FGF14: variants seen among roughly 807,000 people sequenced by gnomAD.
FGF14 encodes fibroblast growth factor 14.
In FGF14, 5 loss-of-function variants were observed where a neutral mutation model predicts 25.5. That is an observed-to-expected ratio of 0.20 (90% CI 0.10 to 0.41). FGF14 has a LOEUF of 0.41. Ranked by LOEUF, FGF14 falls within the 10% of genes least tolerant of loss-of-function variation. The probability of loss-of-function intolerance (pLI) is 1.00; values close to 1 mark genes in which losing one functional copy is unlikely to be tolerated. For missense variants in FGF14, 222 were observed against 320.1 expected (o/e 0.69, Z 2.34); for synonymous variants, 138 against 118.3 (o/e 1.17, Z -1.08).
rs1448989568 is a variant in FGF14, at chr13:101,821,043, GA to G, written c.408+47681del. ...GCTCACTGCAGGCTCCGCCCCCCGGGATTCACGCCATTCTCCTGCCTCAGCC... is the reference window on the plus strand; with the variant it reads ...GCTCACTGCAGGCTCCGCCCCCCGGGTTCACGCCATTCTCCTGCCTCAGCC... On this transcript the variant is annotated intron_variant, in intron 3 of 4. Transcript: ENST00000376143. 6.4e-4 allele frequency among the ~76,000 whole-genome samples: 95 copies of G among 148,164 alleles called. 1 individual carries two copies. Among genetic ancestry groups the G allele is most frequent in the Middle Eastern group, 3.5e-3 (1 of 284 alleles).
intron 1 of FGF14, among the ~76,000 whole-genome samples, chr13:101,915,816 C>G (rs763636824): frequency 6.6e-6 from 1 of 152,240 alleles, no homozygotes; most frequent in Non-Finnish European, 1.5e-5. Context: ...ACTCCCTGAG[C>G]CTCTGTCCCC....
chr13:102,190,320 T>C lies in FGF14; in HGVS notation c.208+211151A>G, dbSNP rs537230910. 4.3e-4 allele frequency among the ~76,000 whole-genome samples: 66 copies of C among 152,306 alleles called. 1 individual carries two copies. In the South Asian group the frequency reaches 0.013, roughly 31 times the overall value. On this transcript the variant is annotated intron_variant, in intron 1 of 4. Transcript: ENST00000376131. ...TTTTGTGTTTATAATAATGAAACTA[T>C]ATTAATGTGGTTAGAACAGTGATTC...
At chr13:101,975,226 T>C (rs1288987358) in intron 1 of FGF14, among the ~76,000 whole-genome samples, 2 of 151,994 alleles carry the variant, frequency 1.3e-5, no homozygotes, top group African/African-American at 2.4e-5. Flanking sequence ...ATGGTACTCT[T>C]TTCACCTCCT....
chr13:101,910,689 G>T (rs563556123), intron 1 of FGF14, among the ~76,000 whole-genome samples: 11 of 152,114 alleles, frequency 7.2e-5, no homozygotes, highest in African/African-American at 9.7e-5. Flanking sequence ...AGCAAATGGT[G>T]ACATTTTCAT....
chr13:101,862,395 A>G (rs999438583), intron 3 of FGF14, among the ~76,000 whole-genome samples: 3 of 151,344 alleles, frequency 2.0e-5, no homozygotes, highest in Non-Finnish European at 4.4e-5. Context: ...CTTTTTCACT[A>G]TCCACTCCAA....
intron 1 of FGF14, among the ~76,000 whole-genome samples, chr13:102,118,279 T>C (rs948870678): frequency 8.6e-5 from 13 of 151,968 alleles, no homozygotes; most frequent in Non-Finnish European, 1.3e-4. Context: ...AAATATATTG[T>C]TATTAGGAAC....
intron 1 of FGF14, among the ~76,000 whole-genome samples, chr13:102,129,417 T>C (rs17588762): frequency 0.016 from 2,396 of 152,222 alleles, 120 homozygotes; most frequent in Admixed American, 0.09. Flanking sequence ...TTCCACAGAG[T>C]GGACGAGCGT....
At chr13:101,961,673 G>T (rs2139461502) in intron 1 of FGF14, among the ~76,000 whole-genome samples, 1 of 152,284 alleles carries the variant, frequency 6.6e-6, no homozygotes, top group South Asian at 2.1e-4. Flanking sequence ...CTGTTCTCAT[G>T]ATAGTGAATG....
chr13:102,230,804 G>GA (rs554880122), intron 1 of FGF14, among the ~76,000 whole-genome samples: 36 of 151,994 alleles, frequency 2.4e-4, no homozygotes, highest in African/African-American at 7.0e-4. Flanking sequence ...AAGAGCATTG[G>GA]AAAAAAATGC....
chr13:102,349,440 T>C (rs1465508435), intron 1 of FGF14, among the ~76,000 whole-genome samples: 1 of 152,230 alleles, frequency 6.6e-6, no homozygotes, highest in Non-Finnish European at 1.5e-5. Context: ...GAATATAATA[T>C]TCATTCTATT....
intron 1 of FGF14, among the ~76,000 whole-genome samples, chr13:102,071,777 T>A (rs2140153381): frequency 6.6e-6 from 1 of 152,336 alleles, no homozygotes; most frequent in South Asian, 2.1e-4. Context: ...CAGTTGTTTC[T>A]GTTTTTCATC....
In FGF14 at chr13:101,726,006, T is replaced by C. The variant is rs538425793; in HGVS notation, c.607+606A>G. ...GGATATACCCCTTCCTGCACACAAA[T>C]GAATGTGGATAAATTATTTTAGTAA... On this transcript the variant is annotated intron_variant, in intron 4 of 4. Transcript: ENST00000376143. Among the ~76,000 whole-genome samples the C allele has an allele frequency of 1.4e-4, 21 of 152,018 alleles. No homozygotes were observed. The South Asian group carries it at 4.1e-3, about 30-fold the overall frequency.
intron 3 of FGF14, among the ~76,000 whole-genome samples, chr13:101,823,039 C>A (rs1034699383): frequency 6.6e-6 from 1 of 152,176 alleles, no homozygotes; most frequent in Non-Finnish European, 1.5e-5. Context: ...GCCAAAATTT[C>A]ATTCCTTTTT....
chr13:101,725,161 A>G (rs2035326391), intron 4 of FGF14, among the ~76,000 whole-genome samples: 1 of 152,088 alleles, frequency 6.6e-6, no homozygotes, highest in South Asian at 2.1e-4. Context: ...CAAATAAACA[A>G]TGGTCTTATT....
intron 1 of FGF14, among the ~76,000 whole-genome samples, chr13:101,973,811 C>G (rs2037761088): frequency 6.6e-6 from 1 of 152,126 alleles, no homozygotes; most frequent in African/African-American, 2.4e-5. Context: ...CACAGACACA[C>G]CCAGGATCAA....
intron 1 of FGF14, among the ~76,000 whole-genome samples, chr13:102,083,381 G>A (rs890264884): frequency 5.3e-5 from 8 of 151,954 alleles, no homozygotes; most frequent in Admixed American, 5.2e-4. Context: ...AGAGGGCTGG[G>A]GAATTATGTC....
intron 1 of FGF14, among the ~76,000 whole-genome samples, chr13:101,906,579 T>C (rs895628522): frequency 6.6e-6 from 1 of 152,162 alleles, no homozygotes; most frequent in East Asian, 1.9e-4. Context: ...CCATCCATCA[T>C]TGAAGAGTTT....
intron 1 of FGF14, among the ~76,000 whole-genome samples, chr13:101,915,981 A>G (rs946464250): frequency 1.3e-5 from 2 of 152,186 alleles, no homozygotes; most frequent in Non-Finnish European, 2.9e-5. Flanking sequence ...ACATTTGTCC[A>G]AGGTCTGGGA....
intron 1 of FGF14, among the ~76,000 whole-genome samples, chr13:102,210,322 G>T (rs141553881): frequency 6.6e-6 from 1 of 152,134 alleles, no homozygotes; most frequent in Admixed American, 6.5e-5. Flanking sequence ...TTAAAGAAGA[G>T]ATTATTTATG....
Sources: gnomAD v4.1 joint callset for allele counts (sites outside exome capture counted in the v4.1 genomes callset) on GRCh38, gnomAD v4.1.1 for gene constraint, MANE v1.5 for transcripts, NCBI Gene and HGNC (gene_info 2026-07-23, HGNC 2026-07-21) for gene names.